The following GSE1 variants were observed in gnomAD, a reference collection of about 807,000 sequenced individuals.
GSE1 encodes the protein genetic suppressor element 1.
In GSE1, 32 loss-of-function variants were observed where a neutral mutation model predicts 112.6. The ratio of observed to expected loss-of-function variants is 0.28; its 90% CI spans 0.21 to 0.38. The LOEUF (loss-of-function observed/expected upper bound fraction) is 0.38, where lower values mean the gene tolerates loss of function less well. Among genes scored for constraint, GSE1 ranks in the 10% least tolerant of loss-of-function variants. The pLI is 1.00. For missense variants in GSE1, 2,348 were observed against 1,699.2 expected (o/e 1.38, Z -6.71); for synonymous variants, 1,115 against 735.6 (o/e 1.52, Z -8.35).
chr16:85,402,061 C>A (rs1452079393), intron 2 of GSE1, among the ~76,000 whole-genome samples: 2 of 152,234 alleles, frequency 1.3e-5, no homozygotes, highest in Non-Finnish European at 2.9e-5. Context: ...CAACCATTTC[C>A]TCACAAGTCG....
At chr16:85,298,909 G>T (rs866629134) in intron 1 of GSE1, among the ~76,000 whole-genome samples, 6 of 152,280 alleles carry the variant, frequency 3.9e-5, no homozygotes, top group Admixed American at 6.5e-5. Flanking sequence ...GCTGGTGGAC[G>T]GGCTTTCTCC....
chr16:85,360,385 G>A (rs1236249853), intron 2 of GSE1, among the ~76,000 whole-genome samples: 2 of 151,740 alleles, frequency 1.3e-5, no homozygotes, highest in Non-Finnish European at 2.9e-5. Context: ...GGCAGGTGGG[G>A]CAGGGCCGGG....
chr16:85,589,113 C>T (rs924837115), intron 1 of GSE1, among the ~76,000 whole-genome samples: 9 of 152,184 alleles, frequency 5.9e-5, no homozygotes, highest in African/African-American at 2.4e-5. Flanking sequence ...TCCCCTCCCT[C>T]CCTCCTCTCT....
chr16:85,276,170 G>A (rs1909339423), intron 1 of GSE1, among the ~76,000 whole-genome samples: 1 of 152,282 alleles, frequency 6.6e-6, no homozygotes, highest in Admixed American at 6.5e-5. Context: ...GGGAGCAGCA[G>A]GCCAGGCCTG....
chr16:85,545,074 G>A (rs571377241), intron 2 of GSE1, among the ~76,000 whole-genome samples: 159 of 152,354 alleles, frequency 1.0e-3, no homozygotes, highest in African/African-American at 3.7e-3. Context: ...GCAGAATGTG[G>A]ACAACCAGGG....
Position 85,256,002 on chromosome 16 carries a change from A to T in GSE1, c.2283+84195A>T, listed in dbSNP as rs372468895. On this transcript the variant is annotated intron_variant, in intron 1 of 2. Transcript: ENST00000637419. ...CACACCCGGCCAGTGCCTACTTCTC[A>T]ATCCTGCGTGACCTCGGGCAAGTCC... 2.5e-4 allele frequency among the ~76,000 whole-genome samples: 38 copies of T among 152,340 alleles called. 1 individual carries two copies. The East Asian group carries it at 6.8e-3, about 27-fold the overall frequency.
At chr16:85,600,809 A>C (rs572815790) in intron 1 of GSE1, among the ~76,000 whole-genome samples, 7 of 152,132 alleles carry the variant, frequency 4.6e-5, no homozygotes, top group Non-Finnish European at 8.8e-5. Flanking sequence ...AGGTTCCCGC[A>C]TCCTTTTTTG....
At chr16:85,535,572 G>A (rs966466241) in intron 2 of GSE1, among the ~76,000 whole-genome samples, 1 of 152,210 alleles carries the variant, frequency 6.6e-6, no homozygotes, top group African/African-American at 2.4e-5. Flanking sequence ...AAGCCACCGC[G>A]GCCCTCTGGG....
intron 2 of GSE1, among the ~76,000 whole-genome samples, chr16:85,362,279 T>C (rs1270164943): frequency 1.3e-5 from 2 of 152,252 alleles, no homozygotes; most frequent in African/African-American, 2.4e-5. Context: ...TTTAGTCAAA[T>C]GAAGACCCAT....
At chr16:85,295,137 A>G (rs1465149692) in intron 1 of GSE1, among the ~76,000 whole-genome samples, 2 of 152,148 alleles carry the variant, frequency 1.3e-5, no homozygotes, top group Non-Finnish European at 2.9e-5. Context: ...CATTCAGTGC[A>G]TAGCATCACC....
Position 85,480,408 on chromosome 16 carries a change from A to AC in GSE1, c.2464+122771dup, listed in dbSNP as rs557943847. Among the ~76,000 whole-genome samples the AC allele has an allele frequency of 2.0e-3, 303 of 151,268 alleles. 1 individual carries two copies. The highest frequency in any genetic ancestry group is 2.6e-3 in the Non-Finnish European group (175 of 67,820). On this transcript the variant is annotated intron_variant, in intron 2 of 2. Coordinates refer to the GSE1 transcript ENST00000637419. Reference sequence around the variant, plus strand: ...GCGCGTGGCACCAGTGTGAGCCTCCACCCCCCTCTGCCTGCTCCAGGGTCC... The same window carrying AC: ...GCGCGTGGCACCAGTGTGAGCCTCCACCCCCCCTCTGCCTGCTCCAGGGTCC...
chr16:85,211,378 T>C (rs73256097), intron 1 of GSE1, among the ~76,000 whole-genome samples: 2,411 of 151,772 alleles, frequency 0.016, 64 homozygotes, highest in African/African-American at 0.055. Flanking sequence ...GCCACTGGCA[T>C]GCAGGGCGGA....
chr16:85,567,082 T>G (rs1437408528), intron 1 of GSE1, among the ~76,000 whole-genome samples: 2 of 140,428 alleles, frequency 1.4e-5, no homozygotes, highest in Non-Finnish European at 3.1e-5. Context: ...CCGCCCAATT[T>G]CTCTCCTGGA....
At position 85,241,152 on chromosome 16, in the gene GSE1, C is replaced by CGTGACCTTGGGCTCGGCTGA. The variant is rs1905134975; in HGVS notation, c.2283+69364_2283+69365insAGTGACCTTGGGCTCGGCTG. On this transcript the variant is annotated intron_variant, in intron 1 of 2. Transcript: ENST00000637419. ...ACCTGGCTCTGATACTTCCTAGCTG[C>CGTGACCTTGGGCTCGGCTGA]GTGACCTTGGGCTCGGCTGCGTGAC... Among the ~76,000 whole-genome samples the CGTGACCTTGGGCTCGGCTGA allele has an allele frequency of 2.9e-5, 3 of 102,230 alleles. No individual in the cohort carries two copies. The South Asian group carries it at 9.2e-4, about 31-fold the overall frequency. 67.1% of individuals were successfully genotyped at this position (102,230 alleles called of 152,430 possible).
At chr16:85,544,620 A>C (rs772071969) in intron 2 of GSE1, among the ~76,000 whole-genome samples, 18 of 152,200 alleles carry the variant, frequency 1.2e-4, no homozygotes, top group Non-Finnish European at 2.4e-4. Context: ...CCGCTCATAG[A>C]AACCACATCT....
intron 2 of GSE1, among the ~76,000 whole-genome samples, chr16:85,387,875 G>A (rs1304815266): frequency 6.6e-6 from 1 of 152,196 alleles, no homozygotes; most frequent in Non-Finnish European, 1.5e-5. Context: ...TGATTGGTTG[G>A]ATGGGTGGGT....
intron 1 of GSE1, among the ~76,000 whole-genome samples, chr16:85,604,616 T>C (rs1320788362): frequency 6.8e-6 from 1 of 148,064 alleles, no homozygotes; most frequent in Non-Finnish European, 1.5e-5. Flanking sequence ...TCACATGGGC[T>C]GATTTGATAA....
chr16:85,314,449 G>C (rs2966842), intron 1 of GSE1, among the ~76,000 whole-genome samples: 18,562 of 152,168 alleles, frequency 0.12, 3,798 homozygotes, highest in African/African-American at 0.42. Flanking sequence ...GAAGGGATGT[G>C]AGGAACAGTG....
chr16:85,470,860 A>G (rs1285081246), intron 2 of GSE1, among the ~76,000 whole-genome samples: 5 of 152,238 alleles, frequency 3.3e-5, no homozygotes, highest in African/African-American at 7.2e-5. Context: ...CTTCTTTAGG[A>G]GGAAGCAGAG....
Sources: gnomAD v4.1 joint callset for allele counts (sites outside exome capture counted in the v4.1 genomes callset) on GRCh38, gnomAD v4.1.1 for gene constraint, MANE v1.5 for transcripts, NCBI Gene and HGNC (gene_info 2026-07-23, HGNC 2026-07-21) for gene names.